KHDRBS3: variants seen among roughly 807,000 people sequenced by gnomAD.
KHDRBS3 encodes KH domain-containing, RNA-binding, signal transduction-associated protein 3.
Under a neutral mutation model 45.6 loss-of-function variants are expected in KHDRBS3, and 23 were observed. The observed-to-expected ratio is 0.50, with a 90% CI of 0.36 to 0.72. KHDRBS3 has a LOEUF of 0.72. KHDRBS3 is among the 30% of genes least tolerant of loss of function. KHDRBS3 has a pLI of 0.00. For missense variants in KHDRBS3, 352 were observed against 424.8 expected (o/e 0.83, Z 1.51); for synonymous variants, 162 against 156.5 (o/e 1.04, Z -0.26).
chr8:135,591,434 T>C (rs994146291), intron 6 of KHDRBS3, among the ~76,000 whole-genome samples: 1 of 152,148 alleles, frequency 6.6e-6, no homozygotes, highest in Non-Finnish European at 1.5e-5. Context: ...AAAGAGATAG[T>C]TTTGAATAGG....
At chr8:135,550,135 A>G (rs1291011972) in intron 4 of KHDRBS3, among the ~76,000 whole-genome samples, 1 of 152,176 alleles carries the variant, frequency 6.6e-6, no homozygotes, top group African/African-American at 2.4e-5. Flanking sequence ...TAAGGAGAGG[A>G]GTAAGTTTTG....
chr8:135,519,229 C>G (rs934040550), intron 1 of KHDRBS3, among the ~76,000 whole-genome samples: 12 of 152,160 alleles, frequency 7.9e-5, no homozygotes, highest in African/African-American at 2.9e-4. Context: ...CTCTTAATCC[C>G]TATTGTATAG....
intron 4 of KHDRBS3, among the ~76,000 whole-genome samples, chr8:135,555,982 G>A (rs1006922965): frequency 7.2e-5 from 11 of 152,080 alleles, no homozygotes; most frequent in Admixed American, 2.6e-4. Flanking sequence ...GAGAACGTGC[G>A]GTATTTGGTT....
At chr8:135,579,634 C>T (rs1828110350) in intron 5 of KHDRBS3, among the ~76,000 whole-genome samples, 1 of 152,130 alleles carries the variant, frequency 6.6e-6, no homozygotes, top group Non-Finnish European at 1.5e-5. Flanking sequence ...ACCATTCCTG[C>T]CCGATGTTCT....
At position 135,607,019 on chromosome 8, in the gene KHDRBS3, A is replaced by G. The variant is rs1337762374; in HGVS notation, c.872A>G (p.Tyr291Cys). 2.5e-6 allele frequency: 4 copies of G among 1,613,136 alleles called. No homozygotes were observed. The highest frequency in any genetic ancestry group is 1.6e-4 in the Middle Eastern group (1 of 6,082). Reference sequence around the variant, plus strand: ...AGTTATGATTCCTATGATAACAGCTATAGCACCCCAGCCCAAAGGTAAGAG... The same window carrying G: ...AGTTATGATTCCTATGATAACAGCTGTAGCACCCCAGCCCAAAGGTAAGAG... ...EQSYDSYDNS[Y>C]STPAQSGADY... The change falls in exon 7 of 9, where the codon TAT becomes TGT. Residue 291 changes from tyrosine to cysteine, a missense_variant. Tyr to Cys is a radical substitution (Grantham distance 194). Transcript: ENST00000355849.
At chr8:135,458,026 C>T (rs1821206035) in intron 1 of KHDRBS3, 72 bp downstream of exon 1, 2 of 1,474,948 alleles carry the variant, frequency 1.4e-6, no homozygotes, top group African/African-American at 1.5e-5. Flanking sequence ...GCCCAGGGGG[C>T]CCCTCCGTGC....
At chr8:135,649,641 A>G (rs1831388130), downstream of KHDRBS3, among the ~76,000 whole-genome samples, 1 of 152,122 alleles carries the variant, frequency 6.6e-6, no homozygotes, top group Non-Finnish European at 1.5e-5. Flanking sequence ...CGGAATGGGA[A>G]TGTGACGTCC....
intron 6 of KHDRBS3, chr8:135,593,537 G>A (rs1828842490): frequency 6.6e-6 from 1 of 152,372 alleles, no homozygotes; most frequent in Admixed American, 6.5e-5. Flanking sequence ...GAGTGCAGTG[G>A]TACAGTTAGA....
At chr8:135,582,150 C>G in intron 6 of KHDRBS3, 77 bp downstream of exon 6, 3 of 1,328,440 alleles carry the variant, frequency 2.3e-6, no homozygotes, top group Non-Finnish European at 3.0e-6. Context: ...ATTGTACCCG[C>G]GTACGCTTCC....
intron 6 of KHDRBS3, among the ~76,000 whole-genome samples, chr8:135,584,398 A>G (rs1251390320): frequency 1.3e-5 from 2 of 152,254 alleles, no homozygotes; most frequent in Non-Finnish European, 2.9e-5. Context: ...ACCAAAGGAA[A>G]AGAAATACCA....
intron 1 of KHDRBS3, among the ~76,000 whole-genome samples, chr8:135,474,965 G>T (rs1285181290): frequency 2.0e-5 from 3 of 152,166 alleles, no homozygotes; most frequent in Non-Finnish European, 4.4e-5. Context: ...CTCGGCTTGT[G>T]GCCCCTTCCT....
At chr8:135,597,388 A>ATG (rs1473643954) in intron 6 of KHDRBS3, among the ~76,000 whole-genome samples, 1 of 152,166 alleles carries the variant, frequency 6.6e-6, no homozygotes, top group African/African-American at 2.4e-5. Context: ...TGCAAACCAC[A>ATG]GCACCCCTCT....
At chr8:135,604,940 A>C (rs954667345) in intron 6 of KHDRBS3, among the ~76,000 whole-genome samples, 3 of 149,114 alleles carry the variant, frequency 2.0e-5, no homozygotes, top group Non-Finnish European at 4.5e-5. Context: ...TTTTTTTCTT[A>C]AGAACTTGTT....
intron 7 of KHDRBS3, among the ~76,000 whole-genome samples, chr8:135,636,874 GTAATGTAT>G (rs1830835767): frequency 6.6e-6 from 1 of 152,194 alleles, no homozygotes; most frequent in Non-Finnish European, 1.5e-5. Context: ...CAGGCTAACC[GTAATGTAT>G]TTACTCTGAA....
At chr8:135,632,671 T>C (rs376701518) in intron 7 of KHDRBS3, among the ~76,000 whole-genome samples, 5 of 152,284 alleles carry the variant, frequency 3.3e-5, no homozygotes, top group African/African-American at 1.2e-4. Context: ...TTTTTTTTCT[T>C]GGAACCAAGA....
downstream of KHDRBS3, among the ~76,000 whole-genome samples, chr8:135,651,941 T>C (rs574755027): frequency 2.0e-5 from 3 of 152,148 alleles, no homozygotes; most frequent in African/African-American, 7.2e-5. Flanking sequence ...AATGAAAGAC[T>C]CTGGTCACTG....
At chr8:135,650,268 G>A (rs573866695), downstream of KHDRBS3, among the ~76,000 whole-genome samples, 1 of 152,256 alleles carries the variant, frequency 6.6e-6, no homozygotes, top group Non-Finnish European at 1.5e-5. Context: ...CTGTATCTTT[G>A]CATGAAGAAA....
chr8:135,642,551 C>T (rs936944568), intron 7 of KHDRBS3, among the ~76,000 whole-genome samples: 4 of 152,160 alleles, frequency 2.6e-5, no homozygotes, highest in African/African-American at 9.7e-5. Flanking sequence ...AAAAATTGCA[C>T]ATTGCTACTT....
intron 2 of KHDRBS3, chr8:135,538,804 C>T (rs1314548277): frequency 2.0e-5 from 3 of 152,224 alleles, no homozygotes; most frequent in South Asian, 2.1e-4. Context: ...ATGCCGCTTT[C>T]GTTGTTTATT....
Sources: allele counts gnomAD v4.1 joint callset (sites outside exome capture counted in the v4.1 genomes callset), GRCh38; gene constraint gnomAD v4.1.1; transcripts MANE v1.5; gene names NCBI Gene and HGNC (gene_info 2026-07-23, HGNC 2026-07-21).